SAXO1: variants seen among roughly 807,000 people sequenced by gnomAD.
SAXO1 encodes 4930500O09Rik.
In SAXO1, 21 loss-of-function variants were observed where a neutral mutation model predicts 17.5. The observed-to-expected ratio is 1.20, with a 90% confidence interval of 0.85 to 1.72. SAXO1 has a LOEUF of 1.72. SAXO1 is among the 40% of genes most tolerant of loss of function. The pLI is 0.00. For missense variants in SAXO1, 843 were observed against 596.0 expected, an observed-to-expected ratio of 1.41 and a Z score of -4.32; for synonymous variants, 274 against 216.5, an observed-to-expected ratio of 1.27 and a Z score of -2.33.
intron 1 of SAXO1, among the ~76,000 whole-genome samples, chr9:19,040,691 A>G (rs1836059045): frequency 6.6e-6 from 1 of 152,116 alleles, no homozygotes; most frequent in African/African-American, 2.4e-5. Flanking sequence ...AAGAGGACAT[A>G]AAACTATATA....
At chr9:19,003,005 G>C (rs1329045317) in intron 1 of SAXO1, among the ~76,000 whole-genome samples, 3 of 152,170 alleles carry the variant, frequency 2.0e-5, no homozygotes, top group African/African-American at 7.2e-5. Context: ...CATCATCTCA[G>C]CCCAAAATCT....
At chr9:19,037,960 A>G (rs1219145915), upstream of SAXO1, among the ~76,000 whole-genome samples, 2 of 152,244 alleles carry the variant, frequency 1.3e-5, no homozygotes, top group African/African-American at 2.4e-5. Flanking sequence ...TTTCCACCCA[A>G]TGAAAGGACA....
Position 19,033,081 on chromosome 9 carries a change from C to A in SAXO1, c.-173G>T. The A allele has an allele frequency of 3.3e-6, 2 of 610,866 alleles. No individual in the cohort carries two copies. The highest frequency in any genetic ancestry group is 5.3e-6 in the Non-Finnish European group (2 of 377,510). The allele number at this position is 610,866 out of a possible 1,614,324, so 37.8% of individuals were successfully genotyped here. On this transcript the variant is annotated 5_prime_UTR_variant, in exon 1 of 4. Transcript: ENST00000380534. ...TTTGCAATGTCCTGTCGTCTGTTGC[C>A]CTCCTGGAGCTGGCCTAGCGCGAGG...
At chr9:19,025,063 G>T (rs1835416868) in intron 1 of SAXO1, among the ~76,000 whole-genome samples, 2 of 152,092 alleles carry the variant, frequency 1.3e-5, no homozygotes, top group Admixed American at 6.5e-5. Flanking sequence ...AAGATGAAAG[G>T]TATTTATGAA....
At chr9:18,954,742 T>C (rs1454773899) in intron 1 of SAXO1, among the ~76,000 whole-genome samples, 3 of 152,260 alleles carry the variant, frequency 2.0e-5, no homozygotes, top group African/African-American at 7.2e-5. Flanking sequence ...ATGATGTACA[T>C]GAACCAGTCA....
In SAXO1 at chr9:18,965,022, A is replaced by C. The variant is rs142684922; in HGVS notation, c.39-14085T>G. Among the ~76,000 whole-genome samples the C allele has an allele frequency of 2.1e-3, 327 of 152,232 alleles. 4 individuals are homozygous for C. Among genetic ancestry groups the C allele is most frequent in the African/African-American group, 7.7e-3 (319 of 41,558 alleles). On this transcript the variant is annotated intron_variant, in intron 1 of 3. Transcript: ENST00000380534. ...CTTAACTTCGTTATTTACCCAGTAGACATTCAGGAGCAGGTTGTTCAGTTT... is the reference window on the plus strand; with the variant it reads ...CTTAACTTCGTTATTTACCCAGTAGCCATTCAGGAGCAGGTTGTTCAGTTT...
chr9:18,984,336 G>C (rs892199268), intron 1 of SAXO1, among the ~76,000 whole-genome samples: 13 of 152,226 alleles, frequency 8.5e-5, no homozygotes, highest in African/African-American at 2.9e-4. Flanking sequence ...GTGTCAGCCT[G>C]TCTGAAACTT....
chr9:19,010,118 T>C (rs1834663282), intron 1 of SAXO1, among the ~76,000 whole-genome samples: 1 of 149,562 alleles, frequency 6.7e-6, no homozygotes. Flanking sequence ...CGTGAGCCAC[T>C]TTGCCTGGCC....
intron 1 of SAXO1, among the ~76,000 whole-genome samples, chr9:18,977,012 G>A (rs962046680): frequency 6.6e-6 from 1 of 152,124 alleles, no homozygotes; most frequent in East Asian, 1.9e-4. Flanking sequence ...TATTGCTAAT[G>A]GATTATAGCT....
At chr9:18,959,754 A>G (rs562833685) in intron 1 of SAXO1, among the ~76,000 whole-genome samples, 1 of 151,050 alleles carries the variant, frequency 6.6e-6, no homozygotes, top group Admixed American at 6.6e-5. Flanking sequence ...CTGGGCAACA[A>G]GAGTGAAACT....
At chr9:18,988,869 G>T (rs773903219) in intron 1 of SAXO1, among the ~76,000 whole-genome samples, 1 of 152,024 alleles carries the variant, frequency 6.6e-6, no homozygotes, top group Non-Finnish European at 1.5e-5. Flanking sequence ...CTTTACATTG[G>T]CTTCCAGATC....
intron 1 of SAXO1, among the ~76,000 whole-genome samples, chr9:19,030,148 G>A (rs948227487): frequency 1.3e-5 from 2 of 152,090 alleles, no homozygotes; most frequent in African/African-American, 4.8e-5. Context: ...GCAGGAGGAG[G>A]GAACATAGGT....
intron 1 of SAXO1, among the ~76,000 whole-genome samples, chr9:19,010,174 T>G (rs62560427): frequency 0.053 from 8,055 of 151,700 alleles, 209 homozygotes; most frequent in African/African-American, 0.059. Flanking sequence ...CAAAAACACC[T>G]TATATAAAAG....
intron 2 of SAXO1, among the ~76,000 whole-genome samples, chr9:18,946,917 A>C (rs1041228306): frequency 3.3e-5 from 5 of 152,240 alleles, no homozygotes; most frequent in African/African-American, 1.2e-4. Flanking sequence ...AAAAACTTGA[A>C]GTTGAAACTA....
intron 3 of SAXO1, among the ~76,000 whole-genome samples, chr9:18,931,095 G>C (rs1009269312): frequency 1.3e-5 from 2 of 152,184 alleles, no homozygotes; most frequent in African/African-American, 2.4e-5. Flanking sequence ...TTATGGAGTT[G>C]TATATCCATC....
intron 1 of SAXO1, among the ~76,000 whole-genome samples, chr9:19,040,983 G>A (rs191067769): frequency 3.6e-4 from 50 of 140,538 alleles, no homozygotes; most frequent in African/African-American, 1.4e-3. Context: ...CATCCAAATT[G>A]GAAAAAAAAA....
intron 1 of SAXO1, among the ~76,000 whole-genome samples, chr9:18,963,465 C>T (rs749747601): frequency 1.2e-4 from 18 of 152,068 alleles, no homozygotes; most frequent in Non-Finnish European, 2.6e-4. Flanking sequence ...TTGTTGTGTC[C>T]TCTATTTCCT....
At chr9:18,952,866 T>C (rs1312293986) in intron 1 of SAXO1, among the ~76,000 whole-genome samples, 1 of 152,244 alleles carries the variant, frequency 6.6e-6, no homozygotes, top group Non-Finnish European at 1.5e-5. Flanking sequence ...ATTTCTATTT[T>C]ATACCCCTTT....
At chr9:18,959,370 T>A (rs1009120283) in intron 1 of SAXO1, among the ~76,000 whole-genome samples, 1 of 152,102 alleles carries the variant, frequency 6.6e-6, no homozygotes, top group African/African-American at 2.4e-5. Context: ...AGAGGGCAGA[T>A]GGATGACATT....
Sources: allele counts gnomAD v4.1 joint callset (sites outside exome capture counted in the v4.1 genomes callset), GRCh38; gene constraint gnomAD v4.1.1; transcripts MANE v1.5; gene names NCBI Gene and HGNC (gene_info 2026-07-23, HGNC 2026-07-21).